KCNK13: variants seen among roughly 807,000 people sequenced by gnomAD.
The protein encoded by KCNK13 is potassium channel subfamily K member 13.
KCNK13 carries 12 observed loss-of-function variants against 23.4 expected under a neutral mutation model. The ratio of observed to expected loss-of-function variants is 0.51; its 90% CI spans 0.33 to 0.83. The LOEUF (loss-of-function observed/expected upper bound fraction) is 0.83, where lower values mean the gene tolerates loss of function less well. Among genes scored for constraint, KCNK13 ranks in the 40% least tolerant of loss-of-function variants. KCNK13 has a pLI of 0.02. For missense variants in KCNK13, 463 were observed against 556.3 expected (o/e 0.83, Z 1.69); for synonymous variants, 231 against 229.5 (o/e 1.01, Z -0.06).
chr14:90,105,536 C>T (rs1182927535), intron 1 of KCNK13, among the ~76,000 whole-genome samples: 1 of 152,144 alleles, frequency 6.6e-6, no homozygotes, highest in Non-Finnish European at 1.5e-5. Context: ...CTAAGTACCA[C>T]CAACCCTGTG....
chr14:90,141,795 G>GA (rs796616017), intron 1 of KCNK13, among the ~76,000 whole-genome samples: 23 of 888 alleles, frequency 0.026, no homozygotes, highest in Admixed American at 0.19. Context: ...TTTGTTTTTT[G>GA]GGGGGGGGGA....
At chr14:90,125,826 C>T (rs560283894) in intron 1 of KCNK13, among the ~76,000 whole-genome samples, 6 of 151,960 alleles carry the variant, frequency 3.9e-5, no homozygotes, top group Non-Finnish European at 5.9e-5. Context: ...AGTTCAAAAC[C>T]ATCCTAGGCA....
chr14:90,096,474 T>C (rs2140403818), intron 1 of KCNK13, among the ~76,000 whole-genome samples: 1 of 152,324 alleles, frequency 6.6e-6, no homozygotes, highest in South Asian at 2.1e-4. Context: ...GAATTCTTAG[T>C]CCTCTTTGCA....
rs148958169 is a variant in KCNK13 at position 90,072,608 on chromosome 14, C to T, written c.334+10069C>T. On this transcript the variant is annotated intron_variant, in intron 1 of 1. Transcript: ENST00000282146. ...TGCTTTTTATAGTTCACTTAAAGGA[C>T]GCTTGTTCACAGAGGGTGAACCTTG... 3.1e-3 allele frequency among the ~76,000 whole-genome samples: 474 copies of T among 152,280 alleles called. 2 individuals are homozygous for T. Among genetic ancestry groups the T allele is most frequent in the Middle Eastern group, 0.024 (7 of 294 alleles).
intron 1 of KCNK13, among the ~76,000 whole-genome samples, chr14:90,174,970 A>G (rs1265435360): frequency 1.3e-5 from 2 of 152,198 alleles, no homozygotes; most frequent in South Asian, 2.1e-4. Context: ...GCTCAGGAAG[A>G]ACTTTAGAAC....
intron 1 of KCNK13, among the ~76,000 whole-genome samples, chr14:90,122,427 C>T (rs957837760): frequency 5.3e-5 from 8 of 151,940 alleles, no homozygotes; most frequent in African/African-American, 1.9e-4. Flanking sequence ...AAGCGATTCT[C>T]CTGCCTCAGC....
At chr14:90,128,526 A>G (rs1889829678) in intron 1 of KCNK13, among the ~76,000 whole-genome samples, 1 of 152,010 alleles carries the variant, frequency 6.6e-6, no homozygotes, top group Admixed American at 6.6e-5. Flanking sequence ...GCATATCCCA[A>G]ACAAGCATAG....
At chr14:90,133,832 C>T (rs1012116430) in intron 1 of KCNK13, among the ~76,000 whole-genome samples, 3 of 152,092 alleles carry the variant, frequency 2.0e-5, no homozygotes, top group Non-Finnish European at 2.9e-5. Flanking sequence ...CCTGGGGCCT[C>T]GCTATCCAAA....
intron 1 of KCNK13, among the ~76,000 whole-genome samples, chr14:90,117,347 T>C (rs1042607104): frequency 6.6e-6 from 1 of 152,156 alleles, no homozygotes; most frequent in Non-Finnish European, 1.5e-5. Flanking sequence ...CCCAGCACTT[T>C]GGGAGGCTGA....
intron 1 of KCNK13, among the ~76,000 whole-genome samples, chr14:90,079,303 A>G (rs998656767): frequency 9.9e-5 from 15 of 152,238 alleles, no homozygotes; most frequent in Admixed American, 3.9e-4. Flanking sequence ...GTGCTCCCAG[A>G]AAAAACTAGT....
intron 1 of KCNK13, among the ~76,000 whole-genome samples, chr14:90,072,040 G>A (rs1889081339): frequency 6.6e-6 from 1 of 152,202 alleles, no homozygotes; most frequent in Non-Finnish European, 1.5e-5. Context: ...ACGCAGTCCT[G>A]CCGAGGACGG....
intron 1 of KCNK13, among the ~76,000 whole-genome samples, chr14:90,167,648 C>A (rs1890318713): frequency 6.6e-6 from 1 of 152,134 alleles, no homozygotes; most frequent in Non-Finnish European, 1.5e-5. Context: ...ACTGGGGACC[C>A]AGGCCTGCTC....
Position 90,184,943 on chromosome 14 carries a change from G to A in KCNK13, c.1167G>A (p.Gly389=). The A allele has an allele frequency of 6.2e-7, 1 of 1,612,314 alleles. No individual in the cohort carries two copies. Among genetic ancestry groups the A allele is most frequent in the Non-Finnish European group, 8.5e-7 (1 of 1,179,008 alleles). Residue 389 remains glycine (G), a synonymous_variant, in exon 2 of 2, where the codon GGG becomes GGA. Coordinates refer to ENST00000282146, the MANE Select transcript of KCNK13 (RefSeq NM_022054.4). The surrounding 1 kb of genome is among the most constrained non-coding windows in gnomAD (Gnocchi z 5.6). ...TGGCCCGGGACAATGAATTCTCAGG[G>A]GGGGTGGGAGCCTTTGCAATCATGA... ...STLARDNEFS[G]GVGAFAIMNN...
At chr14:90,081,353 TA>T (rs1202511905) in intron 1 of KCNK13, among the ~76,000 whole-genome samples, 2 of 152,234 alleles carry the variant, frequency 1.3e-5, no homozygotes, top group Non-Finnish European at 2.9e-5. Context: ...TCAAAGTATT[TA>T]AAGTAAAAAA....
intron 1 of KCNK13, among the ~76,000 whole-genome samples, chr14:90,138,261 T>C (rs1223781590): frequency 6.6e-6 from 1 of 152,214 alleles, no homozygotes; most frequent in Non-Finnish European, 1.5e-5. Flanking sequence ...TAAAGTCCTA[T>C]TGCAAATTTT....
intron 1 of KCNK13, among the ~76,000 whole-genome samples, chr14:90,148,298 A>G (rs781171771): frequency 6.6e-6 from 1 of 152,248 alleles, no homozygotes; most frequent in Non-Finnish European, 1.5e-5. Flanking sequence ...AATCTTATAA[A>G]GCACAATTAT....
chr14:90,113,069 A>G (rs539665778), intron 1 of KCNK13, among the ~76,000 whole-genome samples: 1 of 152,194 alleles, frequency 6.6e-6, no homozygotes, highest in South Asian at 2.1e-4. Flanking sequence ...GTGTGCCACC[A>G]TGCCCTGCTA....
At chr14:90,101,801 A>AAAAG (rs1889482777) in intron 1 of KCNK13, among the ~76,000 whole-genome samples, 1 of 150,058 alleles carries the variant, frequency 6.7e-6, no homozygotes, top group Non-Finnish European at 1.5e-5. Context: ...AAAAAAAAAA[A>AAAAG]AAAAAAAAAA....
intron 1 of KCNK13, among the ~76,000 whole-genome samples, chr14:90,087,326 G>A (rs575348879): frequency 5.3e-5 from 8 of 151,580 alleles, no homozygotes; most frequent in East Asian, 1.9e-4. Context: ...TTAATGTGTC[G>A]CACATTTATT....
Sources: gnomAD v4.1 joint callset for allele counts (sites outside exome capture counted in the v4.1 genomes callset) on GRCh38, gnomAD v4.1.1 for gene constraint, Gnocchi (gnomAD v3.1) non-coding constraint, MANE v1.5 for transcripts, NCBI Gene and HGNC (gene_info 2026-07-23, HGNC 2026-07-21) for gene names.